The following ALPK1 variants were observed in gnomAD, a reference collection of about 807,000 sequenced individuals.
ALPK1 encodes alpha-protein kinase 1.
ALPK1 carries 110 observed loss-of-function variants against 120.6 expected under a neutral mutation model. The observed-to-expected ratio is 0.91, with a 90% CI of 0.78 to 1.07. ALPK1 has a LOEUF of 1.07. Ranked by LOEUF, ALPK1 falls within the 50% of genes least tolerant of loss-of-function variation. The pLI is 0.00. For synonymous variants in ALPK1, 582 were observed against 560.3 expected, an observed-to-expected ratio of 1.04 and a Z score of -0.55; for missense variants, 1,498 against 1,483.9, an observed-to-expected ratio of 1.01 and a Z score of -0.16.
At chr4:112,311,029 G>A (rs539521174) in intron 1 of ALPK1, among the ~76,000 whole-genome samples, 1 of 152,324 alleles carries the variant, frequency 6.6e-6, no homozygotes, top group East Asian at 1.9e-4. Context: ...ACTTGCACAA[G>A]TTCACACGTA....
At chr4:112,358,624 T>TG (rs1229410061) in intron 2 of ALPK1, 6 of 719,944 alleles carry the variant, frequency 8.3e-6, no homozygotes, top group Admixed American at 4.2e-5. Flanking sequence ...AACAGTGGGC[T>TG]GGGGGGCCCT....
At chr4:112,303,242 A>G (rs1190416456) in intron 1 of ALPK1, among the ~76,000 whole-genome samples, 1 of 152,148 alleles carries the variant, frequency 6.6e-6, no homozygotes, top group Admixed American at 6.6e-5. Context: ...AGGCCCTGCC[A>G]TTCCTCTCCC....
chr4:112,342,581 T>C (rs1729907639), intron 2 of ALPK1, among the ~76,000 whole-genome samples: 1 of 152,218 alleles, frequency 6.6e-6, no homozygotes, highest in Non-Finnish European at 1.5e-5. Flanking sequence ...CAATTGCTTC[T>C]TTTGAAAAAT....
chr4:112,395,420 A>G (rs1732606575), intron 4 of ALPK1, among the ~76,000 whole-genome samples: 1 of 152,248 alleles, frequency 6.6e-6, no homozygotes, highest in African/African-American at 2.4e-5. Flanking sequence ...TGTACAGCAC[A>G]AAAGAAGTTT....
At chr4:112,369,635 A>T (rs971463592) in intron 2 of ALPK1, among the ~76,000 whole-genome samples, 1 of 152,142 alleles carries the variant, frequency 6.6e-6, no homozygotes, top group East Asian at 1.9e-4. Flanking sequence ...GTGAGCCGAG[A>T]TTGCACCACT....
At chr4:112,308,335 CAG>C (rs1300121321) in intron 1 of ALPK1, among the ~76,000 whole-genome samples, 1 of 152,066 alleles carries the variant, frequency 6.6e-6, no homozygotes, top group Non-Finnish European at 1.5e-5. Flanking sequence ...TAATATCCTG[CAG>C]AGTGTTTTCC....
intron 2 of ALPK1, chr4:112,358,644 C>G (rs1205269959): frequency 1.4e-6 from 1 of 709,808 alleles, no homozygotes; most frequent in Non-Finnish European, 2.5e-6. Flanking sequence ...TGGCGAGGAG[C>G]AGGCCCACAG....
chr4:112,371,315 C>T (rs936749422), intron 2 of ALPK1, among the ~76,000 whole-genome samples: 3 of 152,190 alleles, frequency 2.0e-5, no homozygotes, highest in South Asian at 2.1e-4. Flanking sequence ...GGTCCTCCTG[C>T]TACCAGTAGT....
chr4:112,356,742 G>C, intron 2 of ALPK1: 1 of 833,038 alleles, frequency 1.2e-6, no homozygotes, highest in Non-Finnish European at 2.1e-6. Flanking sequence ...AGCAAGCACG[G>C]AGTATGCCCT....
At chr4:112,305,229 G>A (rs1270199756) in intron 1 of ALPK1, among the ~76,000 whole-genome samples, 5 of 152,168 alleles carry the variant, frequency 3.3e-5, no homozygotes, top group African/African-American at 1.2e-4. Flanking sequence ...TCTTGGTGAT[G>A]TGGGCTCTTT....
At chr4:112,380,435 C>T (rs983324808) in intron 3 of ALPK1, among the ~76,000 whole-genome samples, 1 of 152,096 alleles carries the variant, frequency 6.6e-6, no homozygotes, top group Admixed American at 6.5e-5. Context: ...CAGTGTGATA[C>T]CTGTAAGCCA....
chr4:112,318,006 AT>A (rs566465579), intron 2 of ALPK1, among the ~76,000 whole-genome samples: 31 of 152,348 alleles, frequency 2.0e-4, no homozygotes, highest in African/African-American at 7.2e-4. Context: ...TACTATCGTC[AT>A]AAAAATGAGA....
chr4:112,384,132 T>C (rs1732047194), intron 4 of ALPK1: 1 of 152,212 alleles, frequency 6.6e-6, no homozygotes, highest in Admixed American at 6.5e-5. Context: ...ACAAGGAAAT[T>C]AAGGTGCGAA....
chr4:112,376,460 G>T (rs1731666658), intron 2 of ALPK1, among the ~76,000 whole-genome samples: 1 of 152,166 alleles, frequency 6.6e-6, no homozygotes, highest in Non-Finnish European at 1.5e-5. Context: ...TGCCAAGTTA[G>T]TATGAAAAAC....
At chr4:112,306,040 C>G (rs1473747887) in intron 1 of ALPK1, among the ~76,000 whole-genome samples, 1 of 152,012 alleles carries the variant, frequency 6.6e-6, no homozygotes, top group East Asian at 1.9e-4. Flanking sequence ...TATTTATATG[C>G]TGGATTACAT....
Position 112,432,072 on chromosome 4 carries a change from A to G in ALPK1, c.2525A>G (p.Gln842Arg), listed in dbSNP as rs1734584936. The G allele has an allele frequency of 6.2e-7, 1 of 1,614,124 alleles. No homozygotes were observed. The highest frequency in any genetic ancestry group is 8.5e-7 in the Non-Finnish European group (1 of 1,179,972). The stretch of plus-strand genomic sequence containing the variant: ...AAAAGTGGTGGCCCAGTCGCAGAGC[A>G]GGGCATCGACCCTGATGCCTCCACA... ...SRKSGGPVAE[Q>R]GIDPDASTVD... is the part of the protein sequence containing the mutation. Residue 842 changes from glutamine (Q) to arginine (R), a missense_variant, in exon 11 of 16, where the codon CAG (glutamine) becomes CGG (arginine). Coordinates refer to ENST00000650871, the MANE Select transcript of ALPK1 (RefSeq NM_025144.4).
intron 4 of ALPK1, among the ~76,000 whole-genome samples, chr4:112,398,701 G>A (rs929316315): frequency 2.9e-4 from 44 of 152,132 alleles, no homozygotes; most frequent in Admixed American, 1.2e-3. Flanking sequence ...TCTGTTTGCT[G>A]TGTAAGGGAG....
At chr4:112,335,763 C>T (rs1346428897) in intron 2 of ALPK1, among the ~76,000 whole-genome samples, 2 of 152,110 alleles carry the variant, frequency 1.3e-5, no homozygotes, top group Non-Finnish European at 2.9e-5. Context: ...AGGCAGATTC[C>T]AGTAATAAAG....
At chr4:112,370,515 C>A (rs1731358431) in intron 2 of ALPK1, among the ~76,000 whole-genome samples, 1 of 152,108 alleles carries the variant, frequency 6.6e-6, no homozygotes, top group African/African-American at 2.4e-5. Flanking sequence ...ATACAGCTCA[C>A]AGAATGCCAC....
Sources: gnomAD v4.1 joint callset for allele counts (sites outside exome capture counted in the v4.1 genomes callset) on GRCh38, gnomAD v4.1.1 for gene constraint, MANE v1.5 for transcripts, NCBI Gene and HGNC (gene_info 2026-07-23, HGNC 2026-07-21) for gene names.